NRXN1: variants seen among roughly 807,000 people sequenced by gnomAD.
NRXN1 encodes neurexin 1, also known as neurexin-1.
In NRXN1, 39 loss-of-function variants were observed where a neutral mutation model predicts 150.9. The observed-to-expected ratio is 0.26, with a 90% confidence interval of 0.20 to 0.34. NRXN1 has a LOEUF of 0.34. Among genes scored for constraint, NRXN1 ranks in the 10% least tolerant of loss-of-function variants. The pLI is 1.00. For synonymous variants in NRXN1, 924 were observed against 757.0 expected, an observed-to-expected ratio of 1.22 and a Z score of -3.62; for missense variants, 1,815 against 1,949.9, an observed-to-expected ratio of 0.93 and a Z score of 1.30.
At chr2:50,976,932 T>C (rs1350050159) in intron 2 of NRXN1, among the ~76,000 whole-genome samples, 1 of 151,996 alleles carries the variant, frequency 6.6e-6, no homozygotes, top group East Asian at 1.9e-4. Context: ...ACAATGATCA[T>C]CAAAGGTCAA....
intron 18 of NRXN1, among the ~76,000 whole-genome samples, chr2:50,129,148 G>A (rs1163699925): frequency 1.3e-5 from 2 of 151,990 alleles, no homozygotes; most frequent in African/African-American, 4.8e-5. Flanking sequence ...ACAAACAAGA[G>A]AAATTATCCT....
rs185163832 is a variant in NRXN1, at chr2:50,279,103, G to A, written c.3365-42133C>T. ...TTTGTCAGGGACTATCCTATTTTGTGGGAACCACTCTTCAAATCATTGGCC... is the reference window on the plus strand; with the variant it reads ...TTTGTCAGGGACTATCCTATTTTGTAGGAACCACTCTTCAAATCATTGGCC... On this transcript the variant is annotated intron_variant, in intron 17 of 22. Coordinates refer to ENST00000401669, the MANE Select transcript of NRXN1 (RefSeq NM_001330078.2). Among the ~76,000 whole-genome samples the A allele has an allele frequency of 1.3e-4, 20 of 152,190 alleles. No individual in the cohort carries two copies. The East Asian group carries it at 3.7e-3, about 28-fold the overall frequency.
chr2:50,463,130 T>A (rs1272440773), intron 17 of NRXN1, among the ~76,000 whole-genome samples: 2 of 151,816 alleles, frequency 1.3e-5, no homozygotes, highest in Non-Finnish European at 2.9e-5. Context: ...AAGGAGTTTG[T>A]TAAAACCCCA....
intron 17 of NRXN1, among the ~76,000 whole-genome samples, chr2:50,398,874 CCT>C (rs1236301834): frequency 1.3e-5 from 2 of 151,940 alleles, no homozygotes; most frequent in Admixed American, 1.3e-4. Context: ...TGAGAGATAC[CCT>C]GAGTTTCATC....
At chr2:50,238,885 T>A (rs2065724069) in intron 17 of NRXN1, among the ~76,000 whole-genome samples, 1 of 151,982 alleles carries the variant, frequency 6.6e-6, no homozygotes, top group South Asian at 2.1e-4. Context: ...ATGAATACTG[T>A]TAAAATGCAA....
At chr2:50,816,449 C>G (rs1559303519) in intron 5 of NRXN1, among the ~76,000 whole-genome samples, 1 of 152,060 alleles carries the variant, frequency 6.6e-6, no homozygotes, top group Admixed American at 6.6e-5. Flanking sequence ...TAACAGCCAT[C>G]TTGAAGCTAT....
intron 2 of NRXN1, among the ~76,000 whole-genome samples, chr2:50,950,599 A>G (rs964199932): frequency 7.9e-5 from 12 of 152,196 alleles, no homozygotes; most frequent in African/African-American, 2.9e-4. Context: ...TGTGCATTTT[A>G]GAATGTTAAG....
intron 5 of NRXN1, among the ~76,000 whole-genome samples, chr2:50,886,744 T>C (rs1027499343): frequency 6.6e-6 from 1 of 151,462 alleles, no homozygotes; most frequent in Non-Finnish European, 1.5e-5. Context: ...TTTGCTCATA[T>C]ACTGCCTGGC....
At chr2:50,084,239 G>T (rs775260685) in intron 19 of NRXN1, among the ~76,000 whole-genome samples, 1 of 152,326 alleles carries the variant, frequency 6.6e-6, no homozygotes, top group African/African-American at 2.4e-5. Context: ...ATGCCCTTGC[G>T]CGGTGGATGA....
chr2:50,222,966 A>C, intron 18 of NRXN1, among the ~76,000 whole-genome samples: 1 of 152,040 alleles, frequency 6.6e-6, no homozygotes, highest in Non-Finnish European at 1.5e-5. Flanking sequence ...GTATTATTTA[A>C]ATTTTTCAAT....
intron 12 of NRXN1, among the ~76,000 whole-genome samples, chr2:50,509,968 T>TCC (rs1163369695): frequency 1.3e-5 from 2 of 151,962 alleles, no homozygotes; most frequent in Admixed American, 1.3e-4. Flanking sequence ...CACCAGAGCG[T>TCC]CCCCTCTGCC....
intron 19 of NRXN1, among the ~76,000 whole-genome samples, chr2:50,074,087 C>A (rs1696698055): frequency 6.6e-6 from 1 of 151,754 alleles, no homozygotes; most frequent in South Asian, 2.1e-4. Context: ...TTAAAATAAA[C>A]AAAAAAATTA....
intron 18 of NRXN1, among the ~76,000 whole-genome samples, chr2:50,092,750 A>G (rs1349980641): frequency 1.3e-5 from 2 of 152,136 alleles, no homozygotes; most frequent in African/African-American, 4.8e-5. Flanking sequence ...ATTTTGCAGT[A>G]TTGCTCATTA....
intron 5 of NRXN1, among the ~76,000 whole-genome samples, chr2:50,643,967 T>G (rs775066686): frequency 1.1e-4 from 17 of 151,876 alleles, no homozygotes; most frequent in Non-Finnish European, 1.8e-4. Context: ...GTCTATAATT[T>G]AAAGTTTGAA....
chr2:50,465,740 T>A (rs2088766251), intron 16 of NRXN1, among the ~76,000 whole-genome samples, 179 bp from the exon 17 acceptor site: 1 of 151,920 alleles, frequency 6.6e-6, no homozygotes, highest in South Asian at 2.1e-4. Flanking sequence ...GAAGGTTTTC[T>A]TAAGTTTCAA....
At chr2:50,897,621 G>A (rs1308052347) in intron 5 of NRXN1, among the ~76,000 whole-genome samples, 1 of 152,204 alleles carries the variant, frequency 6.6e-6, no homozygotes. Flanking sequence ...ACATTTGGAT[G>A]ACTCTTAAAC....
rs764634302 is a variant in NRXN1, at chr2:51,028,184, C to T, written c.90G>A (p.Gly30=). 34 of 1,507,486 alleles carry T rather than the reference C, an allele frequency of 2.3e-5. No homozygotes were observed. Among genetic ancestry groups the T allele is most frequent in the East Asian group, 4.7e-5 (2 of 42,164 alleles). 93.4% of individuals were successfully genotyped at this position (1,507,486 alleles called of 1,614,324 possible). ...GGCCCTCGGCGCCCGGAAACTCCAG[C>T]CCGCTGCCCAGCTCCGCCCAGCAGC... ...LLGCWAELGS[G]LEFPGAEGQW... Residue 30 remains glycine, a synonymous_variant, in exon 2 of 23, where the codon GGG becomes GGA. Transcript: ENST00000401669.
intron 21 of NRXN1, among the ~76,000 whole-genome samples, chr2:50,012,980 C>T (rs1685959102): frequency 6.6e-6 from 1 of 151,984 alleles, no homozygotes; most frequent in Admixed American, 6.6e-5. Flanking sequence ...TTGCAAAGCC[C>T]TTTTGTGGGG....
In NRXN1 at chr2:50,403,609, A is replaced by G. The variant is rs549304462; in HGVS notation, c.3364+61833T>C. ...GGAAAAACTATGGCTAAGGATAATT[A>G]ATTTTTATGAGCCTCAAAAGAGACG... On this transcript the variant is annotated intron_variant, in intron 17 of 22. Transcript: ENST00000401669. Among the ~76,000 whole-genome samples the G allele has an allele frequency of 1.1e-4, 16 of 152,230 alleles. No individual in the cohort carries two copies. The East Asian group carries it at 3.1e-3, about 29-fold the overall frequency.
Sources: allele counts gnomAD v4.1 joint callset (sites outside exome capture counted in the v4.1 genomes callset), GRCh38; gene constraint gnomAD v4.1.1; transcripts MANE v1.5; gene names NCBI Gene and HGNC (gene_info 2026-07-23, HGNC 2026-07-21).